Variants in DHX33 observed in about 807,000 individuals in gnomAD.
The protein encoded by DHX33 is ATP-dependent RNA helicase DHX33.
DHX33 carries 42 observed loss-of-function variants against 72.5 expected under a neutral mutation model. That is an observed-to-expected ratio of 0.58 (90% CI 0.45 to 0.75). The LOEUF (loss-of-function observed/expected upper bound fraction) is 0.75, where lower values mean the gene tolerates loss of function less well. Ranked by LOEUF, DHX33 falls within the 30% of genes least tolerant of loss-of-function variation. The pLI is 0.00. For missense variants in DHX33, 842 were observed against 917.5 expected, an observed-to-expected ratio of 0.92 and a Z score of 1.06; for synonymous variants, 358 against 366.1, an observed-to-expected ratio of 0.98 and a Z score of 0.25.
intron 10 of DHX33, 63 bp from the exon 11 acceptor site, chr17:5,448,958 G>A (rs146745883): frequency 7.0e-5 from 95 of 1,350,058 alleles, no homozygotes; most frequent in Non-Finnish European, 9.0e-5. Context: ...TCACAGAGAC[G>A]GGGTCTTGCT....
intron 8 of DHX33, among the ~76,000 whole-genome samples, chr17:5,452,108 A>G (rs62072698): frequency 0.013 from 1,986 of 152,168 alleles, 23 homozygotes; most frequent in Non-Finnish European, 0.019. Context: ...GGGGGCTTCA[A>G]TTGGGTACAC....
Position 5,468,621 on chromosome 17 carries a change from C to A in DHX33, c.239G>T (p.Arg80Leu), listed in dbSNP as rs1439723960. 13 of 1,610,692 alleles carry A rather than the reference C, an allele frequency of 8.1e-6. No homozygotes were observed. The highest frequency in any genetic ancestry group is 1.1e-5 in the Non-Finnish European group (13 of 1,179,232). Residue 80 changes from arginine to leucine, a missense_variant, in exon 1 of 12, where the codon CGG becomes CTG. Transcript: ENST00000225296. ...TCGGAGCTGGGCCAACAGTTGCCCC[C>A]GCGCTTGGAAGATGGGCAGACTCCG... The part of the protein sequence containing the change: ...QRRSLPIFQA[R>L]GQLLAQLRNL...
Position 5,463,630 on chromosome 17 carries a change from T to C in DHX33, c.349A>G (p.Ser117Gly). 6.2e-7 allele frequency: 1 copy of C among 1,613,986 alleles called. No homozygotes were observed. Among genetic ancestry groups the C allele is most frequent in the South Asian group, 1.1e-5 (1 of 91,070 alleles). Residue 117 changes from serine (S) to glycine (G), a missense_variant, in exon 2 of 12, where the codon AGC becomes GGC. Coordinates refer to ENST00000225296, the MANE Select transcript of DHX33 (RefSeq NM_020162.4). ...IPQYLYEGGI[S>G]RQGIIAVTQP... is the part of the protein sequence containing the mutation. ...GTCACAGCAATGATGCCCTGGCGGCTGATCCCTCCTTCATACAGGTACTGA... is the reference window on the plus strand; with the variant it reads ...GTCACAGCAATGATGCCCTGGCGGCCGATCCCTCCTTCATACAGGTACTGA...
chr17:5,451,813 T>G (rs1916927919), intron 8 of DHX33, among the ~76,000 whole-genome samples: 2 of 152,156 alleles, frequency 1.3e-5, no homozygotes, highest in African/African-American at 2.4e-5. Context: ...TAAAGCAATA[T>G]TTATCAACTG....
rs1318758018 is a variant in DHX33 at position 5,444,414 on chromosome 17, C to T, written c.1915G>A (p.Gly639Ser). The T allele has an allele frequency of 6.2e-7, 1 of 1,614,202 alleles. No individual in the cohort carries two copies. The highest frequency in any genetic ancestry group is 8.5e-7 in the Non-Finnish European group (1 of 1,180,044). Reference protein sequence around the residue: ...FMSTAELQPDGTYATTDTHQP... With the variant: ...FMSTAELQPDSTYATTDTHQP... ...TGGGTGTCCGTGGTGGCATAGGTGC[C>T]ATCTGGCTGAAGCTCGGCGGTGCTC... is the stretch of plus-strand genomic sequence containing the variant. The change falls in exon 12 of 12, where the codon GGC (glycine) becomes AGC (serine). Residue 639 changes from glycine (G) to serine (S), a missense_variant. By Grantham distance (56) the Gly-to-Ser change is moderately conservative. Transcript: ENST00000225296. The surrounding 1 kb of genome is among the most constrained non-coding windows in gnomAD (Gnocchi z 4.9).
chr17:5,467,118 C>G (rs891230821), intron 1 of DHX33, among the ~76,000 whole-genome samples: 4 of 152,120 alleles, frequency 2.6e-5, no homozygotes, highest in African/African-American at 9.7e-5. Flanking sequence ...TAAGGGAGTA[C>G]CAAAACCACC....
Position 5,450,817 on chromosome 17 carries a change from T to C in DHX33, c.1514A>G (p.Lys505Arg), listed in dbSNP as rs1296695625. The C allele has an allele frequency of 1.2e-6, 2 of 1,614,134 alleles. No individual in the cohort carries two copies. Among genetic ancestry groups the C allele is most frequent in the Non-Finnish European group, 1.7e-6 (2 of 1,180,024 alleles). Residue 505 changes from lysine (K) to arginine (R), a missense_variant, in exon 9 of 12, where the codon AAA becomes AGA. Transcript: ENST00000225296. ...GAGGGTATCATTTACTTTGGCAAAT[T>C]TGGGTTCTAAAGGAAATGCTGCCAT... ...RKMAAFPLEP[K>R]FAKTILMSPK...
chr17:5,450,311 G>A lies in DHX33; in HGVS notation c.1620C>T (p.Ser540=). Residue 540 remains serine (S), a synonymous_variant, in exon 10 of 12, where the codon TCC becomes TCT. Coordinates refer to ENST00000225296, the MANE Select transcript of DHX33 (RefSeq NM_020162.4). The stretch of plus-strand genomic sequence containing the variant: ...GGACCCCTTGCACTTCCTCTCGCCG[G>A]GAAGGAGGGTTGTGGAGGACGCTGT... The part of the protein sequence containing the change: ...SVDSVLHNPP[S]RREEVQGVRK... 6.2e-7 allele frequency: 1 copy of A among 1,614,144 alleles called. No homozygotes were observed. Among genetic ancestry groups the A allele is most frequent in the Non-Finnish European group, 8.5e-7 (1 of 1,180,038 alleles).
intron 11 of DHX33, among the ~76,000 whole-genome samples, chr17:5,448,034 C>T (rs1916730103): frequency 6.6e-6 from 1 of 152,112 alleles, no homozygotes; most frequent in Non-Finnish European, 1.5e-5. Context: ...CAAAAATTAG[C>T]CAGGCGTGGT....
rs1040127431 is a variant in DHX33 at position 5,448,957 on chromosome 17, C to T, written c.1729-62G>A. The T allele has an allele frequency of 2.1e-5, 29 of 1,352,766 alleles. 1 individual carries two copies. In the South Asian group the frequency reaches 2.4e-4, roughly 11 times the overall value. The allele number at this position is 1,352,766 out of a possible 1,614,324, so 83.8% of individuals were successfully genotyped here. ...TTCACCATTTATATGTTCACAGAGA[C>T]GGGGTCTTGCTCTGTTCCCTAGGCT... On this transcript the variant is annotated intron_variant, in intron 10 of 11. Transcript: ENST00000225296.
Position 5,468,582 on chromosome 17 carries a change from G to C in DHX33, c.278C>G (p.Ala93Gly), listed in dbSNP as rs1376380291. 6.2e-7 allele frequency: 1 copy of C among 1,607,910 alleles called. No individual in the cohort carries two copies. Among genetic ancestry groups the C allele is most frequent in the South Asian group, 1.1e-5 (1 of 90,064 alleles). The change falls in exon 1 of 12, where the codon GCG becomes GGG. Residue 93 changes from alanine (A) to glycine (G), a missense_variant. Ala to Gly is a moderately conservative substitution (Grantham distance 60). Coordinates refer to ENST00000225296, the MANE Select transcript of DHX33 (RefSeq NM_020162.4). ...GCGCGGCCACTCACCGATGAGGACCGCGTTGTCCAGGTTTCGGAGCTGGGC... is the reference window on the plus strand; with the variant it reads ...GCGCGGCCACTCACCGATGAGGACCCCGTTGTCCAGGTTTCGGAGCTGGGC... ...LLAQLRNLDN[A>G]VLIGETGSGK... is the part of the protein sequence containing the mutation.
chr17:5,467,106 G>A (rs1234139513), intron 1 of DHX33, among the ~76,000 whole-genome samples: 1 of 152,186 alleles, frequency 6.6e-6, no homozygotes, highest in African/African-American at 2.4e-5. Context: ...AGGCTAAAAA[G>A]CTAAGGGAGT....
chr17:5,446,110 G>C lies in DHX33; in HGVS notation c.1816-1597C>G, dbSNP rs8070062. On this transcript the variant is annotated intron_variant, in intron 11 of 11. Coordinates refer to ENST00000225296, the MANE Select transcript of DHX33 (RefSeq NM_020162.4). Reference sequence around the variant, plus strand: ...GTGCCTCAGCCTCCTGAGTAGCTGGGGTTATAGGCATGCACCACCACGCTC... The same window carrying C: ...GTGCCTCAGCCTCCTGAGTAGCTGGCGTTATAGGCATGCACCACCACGCTC... 8.7e-3 allele frequency among the ~76,000 whole-genome samples: 1,330 copies of C among 152,238 alleles called. 19 individuals are homozygous for C. The highest frequency in any genetic ancestry group is 0.03 in the African/African-American group (1,252 of 41,532).
intron 5 of DHX33, among the ~76,000 whole-genome samples, chr17:5,455,753 C>T (rs865845651): frequency 7.9e-5 from 12 of 152,214 alleles, no homozygotes; most frequent in Admixed American, 1.3e-4. Context: ...AGAAGTCACT[C>T]GTTTACCTTG....
intron 4 of DHX33, among the ~76,000 whole-genome samples, chr17:5,460,595 C>T (rs993244111): frequency 6.6e-5 from 10 of 151,822 alleles, no homozygotes; most frequent in African/African-American, 2.4e-4. Flanking sequence ...CAACTTCCAC[C>T]TCCCGGATTC....
At chr17:5,454,149 C>T (rs901675859) in intron 6 of DHX33, among the ~76,000 whole-genome samples, 169 bp from the exon 7 acceptor site, 5 of 152,176 alleles carry the variant, frequency 3.3e-5, no homozygotes, top group African/African-American at 9.7e-5. Flanking sequence ...AGCGGTTTGG[C>T]CCTAGTGAAA....
intron 10 of DHX33, 124 bp from the exon 11 acceptor site, chr17:5,449,019 A>G: frequency 3.4e-6 from 2 of 584,752 alleles, no homozygotes; most frequent in South Asian, 5.1e-5. Context: ...ACTGCAAACC[A>G]ATCCTCCCAC....
At chr17:5,452,212 A>T (rs1046024999) in intron 8 of DHX33, among the ~76,000 whole-genome samples, 14 of 152,166 alleles carry the variant, frequency 9.2e-5, no homozygotes, top group Admixed American at 9.2e-4. Flanking sequence ...CAAGCACAGA[A>T]CAATACTCAA....
At position 5,448,824 on chromosome 17, in the gene DHX33, C is replaced by T. The variant is rs1916766736; in HGVS notation, c.1800G>A (p.Arg600=). The T allele has an allele frequency of 6.2e-7, 1 of 1,611,648 alleles. No individual in the cohort carries two copies. The highest frequency in any genetic ancestry group is 1.1e-5 in the South Asian group (1 of 90,720). The change falls in exon 11 of 12, where the codon AGG becomes AGA. Residue 600 remains arginine, a synonymous_variant. Transcript: ENST00000225296. ...TLVAEVRAQL[R]DICLKMSMPI... is the part of the protein sequence containing the mutation. ...CAGACGATACCTTTAAGCAGATGTC[C>T]CTCAGCTGTGCTCTGACTTCTGCTA...
Sources: gnomAD v4.1 joint callset for allele counts (sites outside exome capture counted in the v4.1 genomes callset) on GRCh38, gnomAD v4.1.1 for gene constraint, Gnocchi (gnomAD v3.1) non-coding constraint, MANE v1.5 for transcripts, NCBI Gene and HGNC (gene_info 2026-07-23, HGNC 2026-07-21) for gene names.